ANKRD33B: variants seen among roughly 807,000 people sequenced by gnomAD.
The protein encoded by ANKRD33B is ankyrin repeat domain-containing protein 33B.
A neutral mutation model predicts 21.5 loss-of-function variants in ANKRD33B; 6 were observed. The ratio of observed to expected loss-of-function variants is 0.28; its 90% CI spans 0.15 to 0.55. ANKRD33B has a LOEUF of 0.55. ANKRD33B is among the 20% of genes least tolerant of loss of function. ANKRD33B has a pLI of 0.94. For synonymous variants in ANKRD33B, 347 were observed against 342.4 expected, an observed-to-expected ratio of 1.01 and a Z score of -0.15; for missense variants, 698 against 747.2, an observed-to-expected ratio of 0.93 and a Z score of 0.77.
chr5:10,600,646 G>T (rs780700820), intron 1 of ANKRD33B, among the ~76,000 whole-genome samples: 2 of 152,206 alleles, frequency 1.3e-5, no homozygotes, highest in African/African-American at 4.8e-5. Context: ...TCTTCATGTG[G>T]ATATAGACTT....
At chr5:10,567,835 GA>G (rs1374691467) in intron 1 of ANKRD33B, among the ~76,000 whole-genome samples, 1 of 152,182 alleles carries the variant, frequency 6.6e-6, no homozygotes, top group African/African-American at 2.4e-5. Context: ...TAGTGGCAGT[GA>G]AAACCTTAAA....
chr5:10,640,480 A>T (rs1045433903), intron 3 of ANKRD33B, among the ~76,000 whole-genome samples: 1 of 152,182 alleles, frequency 6.6e-6, no homozygotes, highest in African/African-American at 2.4e-5. Flanking sequence ...TCTTTTCTTC[A>T]CTCTGAAATA....
chr5:10,637,541 G>A (rs1021646260), intron 2 of ANKRD33B, among the ~76,000 whole-genome samples: 10 of 152,060 alleles, frequency 6.6e-5, no homozygotes, highest in Non-Finnish European at 8.8e-5. Flanking sequence ...GGGTGCCAGC[G>A]TGAATTGGCA....
At chr5:10,637,952 C>T (rs1736910697) in intron 2 of ANKRD33B, 76 bp from the exon 3 acceptor site, 3 of 1,483,540 alleles carry the variant, frequency 2.0e-6, no homozygotes, top group Non-Finnish European at 1.8e-6. Context: ...TTCTTTCTCT[C>T]TCTAGGAAGG....
intron 1 of ANKRD33B, among the ~76,000 whole-genome samples, chr5:10,592,004 T>A (rs1317318720): frequency 1.3e-5 from 2 of 152,128 alleles, no homozygotes; most frequent in African/African-American, 4.8e-5. Context: ...GATATAAGTA[T>A]GTATGTATGT....
chr5:10,613,683 A>G (rs1736221411), intron 1 of ANKRD33B, among the ~76,000 whole-genome samples: 1 of 151,978 alleles, frequency 6.6e-6, no homozygotes, highest in Non-Finnish European at 1.5e-5. Flanking sequence ...GGCAGATCAC[A>G]AGGTCACGAG....
chr5:10,575,926 G>A (rs765519098), intron 1 of ANKRD33B, among the ~76,000 whole-genome samples: 2 of 152,044 alleles, frequency 1.3e-5, no homozygotes, highest in Non-Finnish European at 2.9e-5. Context: ...GTGCCTTGAT[G>A]GTGGTGGTTA....
intron 1 of ANKRD33B, among the ~76,000 whole-genome samples, chr5:10,595,422 C>T (rs919060442): frequency 6.6e-6 from 1 of 152,176 alleles, no homozygotes; most frequent in African/African-American, 2.4e-5. Flanking sequence ...CAGCATCGCT[C>T]CAATCTCTCT....
intron 2 of ANKRD33B, chr5:10,624,935 G>C (rs1736509843): frequency 2.6e-6 from 1 of 379,844 alleles, no homozygotes; most frequent in Non-Finnish European, 5.2e-6. Context: ...TCCTGGTGAG[G>C]CTGATGCCAC....
chr5:10,646,267 C>T (rs995465411), intron 3 of ANKRD33B, among the ~76,000 whole-genome samples: 10 of 152,200 alleles, frequency 6.6e-5, no homozygotes, highest in African/African-American at 2.4e-4. Context: ...GGGGGGTCTG[C>T]TGGCGAGAAG....
At chr5:10,602,345 T>C (rs905003892) in intron 1 of ANKRD33B, among the ~76,000 whole-genome samples, 1 of 152,262 alleles carries the variant, frequency 6.6e-6, no homozygotes, top group African/African-American at 2.4e-5. Context: ...CCGCTGGTCC[T>C]GGGACTGCAC....
intron 2 of ANKRD33B, among the ~76,000 whole-genome samples, chr5:10,630,870 C>CAAAAAAAAA (rs34531639): frequency 8.4e-6 from 1 of 119,112 alleles, no homozygotes; most frequent in Non-Finnish European, 1.7e-5. Context: ...GAGACTGTGT[C>CAAAAAAAAA]AAAAAAAAAA....
chr5:10,640,908 G>A (rs931585445), intron 3 of ANKRD33B, among the ~76,000 whole-genome samples: 14 of 152,198 alleles, frequency 9.2e-5, no homozygotes, highest in Non-Finnish European at 4.4e-5. Flanking sequence ...AGGGGACACC[G>A]AGGTACCCTC....
chr5:10,638,173 G>C lies in ANKRD33B; in HGVS notation c.637+5G>C. 3 of 1,537,310 alleles carry C rather than the reference G, an allele frequency of 2.0e-6. No individual in the cohort carries two copies. Among genetic ancestry groups the C allele is most frequent in the Non-Finnish European group, 2.6e-6 (3 of 1,146,852 alleles). ...TCCGAGCCCTGATGCTAGCAGGTAT[G>C]TCCACCTGTCCTGTGCAGCTTCCAG... On this transcript the variant is annotated splice_donor_5th_base_variant and intron_variant, in intron 3 of 3. Transcript: ENST00000296657.
At chr5:10,594,033 C>T (rs903272538) in intron 1 of ANKRD33B, among the ~76,000 whole-genome samples, 1 of 152,136 alleles carries the variant, frequency 6.6e-6, no homozygotes, top group Non-Finnish European at 1.5e-5. Flanking sequence ...CATGTGGGAG[C>T]TGTCAGCTCA....
At chr5:10,597,429 TAAAA>T (rs1167815364) in intron 1 of ANKRD33B, among the ~76,000 whole-genome samples, 1 of 151,476 alleles carries the variant, frequency 6.6e-6, no homozygotes, top group Admixed American at 6.6e-5. Context: ...CCAACAAAGA[TAAAA>T]AAAGACAAAG....
In ANKRD33B at chr5:10,598,795, G is replaced by A. The variant is rs181839788; in HGVS notation, c.367-19538G>A. Among the ~76,000 whole-genome samples the A allele has an allele frequency of 1.8e-3, 269 of 152,150 alleles. No individual in the cohort carries two copies. In the Middle Eastern group the frequency reaches 0.02, roughly 12 times the overall value. On this transcript the variant is annotated intron_variant, in intron 1 of 3. Transcript: ENST00000296657. ...TAGCCAGGCATGGTGGCTCATGTCC[G>A]TAATCCCAACACTTTGGGAGGCTGA...
intron 1 of ANKRD33B, among the ~76,000 whole-genome samples, chr5:10,613,074 C>T (rs766468469): frequency 8.5e-5 from 13 of 152,090 alleles, no homozygotes. Context: ...TGATGGCTCC[C>T]CTACTGTGGT....
rs574925721 is a variant in ANKRD33B, at chr5:10,606,473, C to T, written c.367-11860C>T. On this transcript the variant is annotated intron_variant, in intron 1 of 3. Transcript: ENST00000296657. ...AATATTGGCCTGGCACAGTAGCTCA[C>T]GCCTGTAATCCCAGCACTTTGGGAG... 4.6e-5 allele frequency among the ~76,000 whole-genome samples: 7 copies of T among 152,234 alleles called. No homozygotes were observed. The East Asian group carries it at 5.8e-4, about 13-fold the overall frequency.
Sources: allele counts gnomAD v4.1 joint callset (sites outside exome capture counted in the v4.1 genomes callset), GRCh38; gene constraint gnomAD v4.1.1; transcripts MANE v1.5; gene names NCBI Gene and HGNC (gene_info 2026-07-23, HGNC 2026-07-21).